MIPOL1: variants seen among roughly 807,000 people sequenced by gnomAD.
MIPOL1 encodes the protein mirror-image polydactyly gene 1 protein.
A neutral mutation model predicts 60.9 loss-of-function variants in MIPOL1; 57 were observed. The ratio of observed to expected loss-of-function variants is 0.94; its 90% CI spans 0.76 to 1.17. MIPOL1 has a LOEUF of 1.17. Ranked by LOEUF, MIPOL1 falls within the 50% of genes most tolerant of loss-of-function variation. MIPOL1 has a pLI of 0.00. For missense variants in MIPOL1, 551 were observed against 511.6 expected, an observed-to-expected ratio of 1.08 and a Z score of -0.74; for synonymous variants, 179 against 168.8, an observed-to-expected ratio of 1.06 and a Z score of -0.47.
intron 1 of MIPOL1, among the ~76,000 whole-genome samples, chr14:37,200,878 G>T (rs1965173456): frequency 2.9e-5 from 3 of 103,614 alleles, no homozygotes; most frequent in African/African-American, 1.9e-4. Context: ...GTGTGTGTGT[G>T]TGTGTGTGTG....
chr14:37,531,017 C>T (rs2095475875), intron 12 of MIPOL1, among the ~76,000 whole-genome samples: 1 of 152,022 alleles, frequency 6.6e-6, no homozygotes, highest in Non-Finnish European at 1.5e-5. Flanking sequence ...GGGGTTTCAC[C>T]ATGTTGGCCA....
chr14:37,314,679 A>T (rs1159002147), intron 9 of MIPOL1, among the ~76,000 whole-genome samples: 2 of 152,122 alleles, frequency 1.3e-5, no homozygotes, highest in African/African-American at 4.8e-5. Context: ...GTATCCTGTT[A>T]CAGGCCTTAT....
At chr14:37,203,421 T>A (rs1436319532) in intron 1 of MIPOL1, among the ~76,000 whole-genome samples, 4 of 152,206 alleles carry the variant, frequency 2.6e-5, no homozygotes, top group African/African-American at 9.6e-5. Context: ...ACATAGTTAC[T>A]AGAACCTATT....
At chr14:37,268,576 G>C (rs1360397876) in intron 4 of MIPOL1, 82 bp from the exon 5 acceptor site, 6 of 1,043,024 alleles carry the variant, frequency 5.8e-6, no homozygotes, top group Non-Finnish European at 8.3e-6. Context: ...CTTACAAGTT[G>C]ATACTGTTCT....
At chr14:37,251,180 C>T (rs1172729209) in intron 3 of MIPOL1, among the ~76,000 whole-genome samples, 1 of 152,050 alleles carries the variant, frequency 6.6e-6, no homozygotes, top group Non-Finnish European at 1.5e-5. Flanking sequence ...CCTTCCTCAG[C>T]CTCCTGAGTA....
At chr14:37,440,257 A>G (rs2094220891) in intron 11 of MIPOL1, among the ~76,000 whole-genome samples, 1 of 152,218 alleles carries the variant, frequency 6.6e-6, no homozygotes. Flanking sequence ...AAATCCACAC[A>G]TTGCAATTGA....
chr14:37,200,286 C>T (rs1472243801), intron 1 of MIPOL1, among the ~76,000 whole-genome samples: 1 of 152,076 alleles, frequency 6.6e-6, no homozygotes, highest in Non-Finnish European at 1.5e-5. Flanking sequence ...TTACTTTGTT[C>T]CCAACCCTTT....
chr14:37,427,361 G>C (rs1468265128), intron 11 of MIPOL1, among the ~76,000 whole-genome samples: 1 of 152,104 alleles, frequency 6.6e-6, no homozygotes, highest in Admixed American at 6.5e-5. Context: ...ACTTAAAATA[G>C]CCAAGTTCAT....
At chr14:37,418,429 CTTAG>C (rs1324393077) in intron 10 of MIPOL1, among the ~76,000 whole-genome samples, 1 of 152,044 alleles carries the variant, frequency 6.6e-6, no homozygotes, top group African/African-American at 2.4e-5. Flanking sequence ...TAAGACTAAC[CTTAG>C]TTAACCAACC....
chr14:37,521,692 G>A (rs1048492777), intron 12 of MIPOL1, among the ~76,000 whole-genome samples: 4 of 151,912 alleles, frequency 2.6e-5, no homozygotes, highest in Admixed American at 2.6e-4. Context: ...CTATTCTGCG[G>A]ATCTCTTCCA....
intron 10 of MIPOL1, among the ~76,000 whole-genome samples, chr14:37,422,264 A>AT (rs2093886545): frequency 6.6e-6 from 1 of 151,998 alleles, no homozygotes; most frequent in Non-Finnish European, 1.5e-5. Context: ...TATCACTAGC[A>AT]TTTACGGTTG....
chr14:37,219,743 C>CT (rs1968420862), intron 1 of MIPOL1: 1 of 152,200 alleles, frequency 6.6e-6, no homozygotes, highest in Non-Finnish European at 1.5e-5. Flanking sequence ...ATTCTGATGA[C>CT]TGAGAGAGGT....
intron 7 of MIPOL1, among the ~76,000 whole-genome samples, chr14:37,299,616 A>C (rs1295322625): frequency 6.6e-6 from 1 of 152,048 alleles, no homozygotes; most frequent in Non-Finnish European, 1.5e-5. Context: ...TTTTTTAAAA[A>C]GTGTAGAATA....
At chr14:37,243,491 C>T (rs1222571117) in intron 1 of MIPOL1, among the ~76,000 whole-genome samples, 1 of 152,178 alleles carries the variant, frequency 6.6e-6, no homozygotes, top group Admixed American at 6.5e-5. Context: ...AAATTATCAA[C>T]ATTTCTCAAG....
chr14:37,379,286 C>A (rs2092862385), intron 10 of MIPOL1, among the ~76,000 whole-genome samples: 1 of 152,010 alleles, frequency 6.6e-6, no homozygotes, highest in Non-Finnish European at 1.5e-5. Context: ...TGGATCCATA[C>A]CTCATCATAC....
At chr14:37,317,840 A>G (rs1215120607) in intron 9 of MIPOL1, among the ~76,000 whole-genome samples, 1 of 152,204 alleles carries the variant, frequency 6.6e-6, no homozygotes, top group Non-Finnish European at 1.5e-5. Context: ...TAAATGATAC[A>G]TATTTTATCA....
At chr14:37,522,745 G>A (rs911235358) in intron 12 of MIPOL1, among the ~76,000 whole-genome samples, 17 of 152,050 alleles carry the variant, frequency 1.1e-4, no homozygotes, top group Non-Finnish European at 2.4e-4. Context: ...ATCATTTATC[G>A]TGTAGTATAA....
chr14:37,267,301 A>G, intron 4 of MIPOL1, 132 bp downstream of exon 4: 1 of 618,752 alleles, frequency 1.6e-6, no homozygotes, highest in Non-Finnish European at 2.8e-6. Flanking sequence ...CAGCCTGGCC[A>G]ACATGGTGAA....
intron 1 of MIPOL1, among the ~76,000 whole-genome samples, chr14:37,242,843 G>C (rs1758529308): frequency 6.6e-6 from 1 of 152,160 alleles, no homozygotes; most frequent in Admixed American, 6.5e-5. Context: ...AATGTGATGA[G>C]AAAAGAGTTT....
Sources: allele counts gnomAD v4.1 joint callset (sites outside exome capture counted in the v4.1 genomes callset), GRCh38; gene constraint gnomAD v4.1.1; transcripts MANE v1.5; gene names NCBI Gene and HGNC (gene_info 2026-07-23, HGNC 2026-07-21).